Variants in TMED5 observed in about 807,000 individuals in gnomAD.
TMED5 encodes transmembrane emp24 domain-containing protein 5.
TMED5 carries 27 observed loss-of-function variants against 23.0 expected under a neutral mutation model. The observed-to-expected ratio is 1.17, with a 90% confidence interval of 0.86 to 1.62. The LOEUF (loss-of-function observed/expected upper bound fraction) is 1.62, where lower values mean the gene tolerates loss of function less well. TMED5 is among the 40% of genes most tolerant of loss of function. The pLI is 0.00. For missense variants in TMED5, 248 were observed against 273.7 expected (o/e 0.91, Z 0.66); for synonymous variants, 97 against 100.8 (o/e 0.96, Z 0.23).
rs1364651167 is a variant in TMED5 at position 93,154,550 on chromosome 1, C to T, written c.*120G>A. 3.0e-6 allele frequency: 2 copies of T among 667,566 alleles called. No homozygotes were observed. The highest frequency in any genetic ancestry group is 5.0e-6 in the Non-Finnish European group (2 of 398,512). 41.4% of individuals were successfully genotyped at this position (667,566 alleles called of 1,614,324 possible). ...ACTTAATTTTCACATTAAAATTATA[C>T]CTGTTTCCTACTTTTATATCTCAAA... On this transcript the variant is annotated 3_prime_UTR_variant, in exon 4 of 4. Transcript: ENST00000370282.
chr1:93,159,069 C>A (rs1344798387), intron 2 of TMED5, among the ~76,000 whole-genome samples: 2 of 151,834 alleles, frequency 1.3e-5, no homozygotes, highest in Non-Finnish European at 2.9e-5. Flanking sequence ...CATTTTTTTC[C>A]TCTCATCCAT....
At position 93,180,202 on chromosome 1, in the gene TMED5, A is replaced by C. The variant is rs753630827; in HGVS notation, c.41T>G (p.Leu14Arg). Reference sequence around the variant, plus strand: ...CAGCAGCACCGGAGGCAGAGCGGCCAGAAGGAGCACGGGGAAGGGCAGCCA... The same window carrying C: ...CAGCAGCACCGGAGGCAGAGCGGCCCGAAGGAGCACGGGGAAGGGCAGCCA... ...KIWLPFPVLL[L>R]AALPPVLLPG... The change falls in exon 1 of 4, where the codon CTG becomes CGG. Residue 14 changes from leucine to arginine, a missense_variant. Physicochemically the swap from Leu to Arg is moderately radical, Grantham distance 102. Coordinates refer to ENST00000370282, the MANE Select transcript of TMED5 (RefSeq NM_016040.5). The C allele has an allele frequency of 2.5e-6, 4 of 1,613,284 alleles. No homozygotes were observed. Among genetic ancestry groups the C allele is most frequent in the Non-Finnish European group, 3.4e-6 (4 of 1,179,746 alleles).
chr1:93,169,483 T>A (rs1012838579), intron 1 of TMED5, among the ~76,000 whole-genome samples: 5 of 151,572 alleles, frequency 3.3e-5, no homozygotes, highest in African/African-American at 1.2e-4. Context: ...ATCAATAATG[T>A]AGACATCCAC....
chr1:93,154,566 A>G lies in TMED5; in HGVS notation c.*104T>C, dbSNP rs778722621. 6 of 743,080 alleles carry G rather than the reference A, an allele frequency of 8.1e-6. No homozygotes were observed. The highest frequency in any genetic ancestry group is 7.1e-5 in the African/African-American group (4 of 56,522). 46.0% of individuals were successfully genotyped at this position (743,080 alleles called of 1,614,324 possible). On this transcript the variant is annotated 3_prime_UTR_variant, in exon 4 of 4. Coordinates refer to ENST00000370282, the MANE Select transcript of TMED5 (RefSeq NM_016040.5). ...AAAATTATACCTGTTTCCTACTTTT[A>G]TATCTCAAAATATTTTGGAGAAGAC...
intron 1 of TMED5, 75 bp from the exon 2 acceptor site, chr1:93,160,301 T>C (rs1286146705): frequency 8.3e-6 from 7 of 838,816 alleles, no homozygotes; most frequent in Middle Eastern, 3.5e-4. Flanking sequence ...GTAGATCATA[T>C]GATGTAAAGA....
Position 93,159,706 on chromosome 1 carries a change from G to C in TMED5, c.287+423C>G, listed in dbSNP as rs1422685800. 2.6e-5 allele frequency among the ~76,000 whole-genome samples: 4 copies of C among 151,666 alleles called. No individual in the cohort carries two copies. In the East Asian group the frequency reaches 7.7e-4, roughly 29 times the overall value. On this transcript the variant is annotated intron_variant, in intron 2 of 3. Transcript: ENST00000370282. ...AAAAAAAAATTTACGTACACACAAAGATATACTGTCCTGTTTTAAGAAAGA... is the reference window on the plus strand; with the variant it reads ...AAAAAAAAATTTACGTACACACAAACATATACTGTCCTGTTTTAAGAAAGA...
At chr1:93,157,620 T>C (rs1648120113) in intron 2 of TMED5, among the ~76,000 whole-genome samples, 2 of 152,134 alleles carry the variant, frequency 1.3e-5, no homozygotes, top group South Asian at 4.1e-4. Flanking sequence ...GGAGGCTTGG[T>C]TGAGCCCAGT....
chr1:93,178,819 G>A (rs369043854), intron 1 of TMED5, among the ~76,000 whole-genome samples: 1 of 152,094 alleles, frequency 6.6e-6, no homozygotes, highest in African/African-American at 2.4e-5. Flanking sequence ...TGCTCTGTAT[G>A]TGACAGTACC....
At chr1:93,167,742 T>A (rs1648559294) in intron 1 of TMED5, among the ~76,000 whole-genome samples, 1 of 152,168 alleles carries the variant, frequency 6.6e-6, no homozygotes, top group Admixed American at 6.5e-5. Flanking sequence ...GGATGCCCTT[T>A]ATTTGTTTCT....
intron 2 of TMED5, among the ~76,000 whole-genome samples, chr1:93,157,712 A>G (rs1648123700): frequency 6.6e-6 from 1 of 152,206 alleles, no homozygotes; most frequent in South Asian, 2.1e-4. Context: ...TAAAAAAGAA[A>G]TTACATTTAA....
chr1:93,171,271 G>C (rs895626259), intron 1 of TMED5, among the ~76,000 whole-genome samples: 6 of 152,110 alleles, frequency 3.9e-5, no homozygotes, highest in African/African-American at 1.4e-4. Flanking sequence ...AAACCCACCA[G>C]AAGGAAGAAA....
chr1:93,160,321 CT>C (rs1648223588), intron 1 of TMED5, 95 bp from the exon 2 acceptor site: 1 of 683,136 alleles, frequency 1.5e-6, no homozygotes, highest in African/African-American at 1.8e-5. Flanking sequence ...ATTATCTAAG[CT>C]AGAGAGGTAA....
intron 3 of TMED5, 176 bp downstream of exon 3, chr1:93,156,124 T>C (rs1175494106): frequency 8.3e-7 from 1 of 1,201,936 alleles, no homozygotes; most frequent in Non-Finnish European, 1.2e-6. Context: ...AAGGGCTATA[T>C]TAATATAAAA....
intron 2 of TMED5, among the ~76,000 whole-genome samples, chr1:93,157,019 G>A (rs1489106162): frequency 1.3e-5 from 2 of 151,844 alleles, no homozygotes; most frequent in Non-Finnish European, 2.9e-5. Context: ...CCTCATTTTT[G>A]GAAAAGGATA....
rs1372719156 is a variant in TMED5 at position 93,149,871 on chromosome 1, GCCGGA to G, written c.*4794_*4798del. On this transcript the variant is annotated 3_prime_UTR_variant, in exon 4 of 4. Transcript: ENST00000370282. ...ATTATGCATGCATAGGAAAAAACAG[GCCGGA>G]CATGGTGGCTCACGCCTGTAATCTC... The G allele has an allele frequency of 6.6e-6, 1 of 152,182 alleles. No homozygotes were observed. The highest frequency in any genetic ancestry group is 1.9e-4 in the East Asian group (1 of 5,204). The allele number at this position is 152,182 out of a possible 1,614,324, so 9.4% of individuals were successfully genotyped here.
Position 93,160,183 on chromosome 1 carries a change from G to C in TMED5, c.233C>G (p.Ser78Cys). 6.2e-7 allele frequency: 1 copy of C among 1,613,196 alleles called. No homozygotes were observed. The highest frequency in any genetic ancestry group is 8.5e-7 in the Non-Finnish European group (1 of 1,179,498). Residue 78 changes from serine (S) to cysteine (C), a missense_variant, in exon 2 of 4, where the codon TCT becomes TGT. By Grantham distance (112) the Ser-to-Cys change is moderately radical. Transcript: ENST00000370282. ...AAAAACTAAGGTTTTGCCTTCTGGA[G>C]AGGCAAGATGGAAATCAATATCTAA... The part of the protein sequence containing the change: ...AGLDIDFHLA[S>C]PEGKTLVFEQ...
intron 1 of TMED5, among the ~76,000 whole-genome samples, chr1:93,170,180 C>T (rs1648662066): frequency 6.6e-6 from 1 of 152,234 alleles, no homozygotes; most frequent in African/African-American, 2.4e-5. Context: ...CCTGAGGAGC[C>T]CTTCAGCCCG....
At chr1:93,164,170 G>A (rs1020107559) in intron 1 of TMED5, among the ~76,000 whole-genome samples, 3 of 151,958 alleles carry the variant, frequency 2.0e-5, no homozygotes, top group Non-Finnish European at 4.4e-5. Flanking sequence ...ACAGATAACC[G>A]AAAAGCCCTC....
chr1:93,161,021 C>T (rs981626947), intron 1 of TMED5: 3 of 152,158 alleles, frequency 2.0e-5, no homozygotes, highest in South Asian at 2.1e-4. Context: ...ATTGTGTATT[C>T]GAAGCAGGCC....
Sources: gnomAD v4.1 joint callset for allele counts (sites outside exome capture counted in the v4.1 genomes callset) on GRCh38, gnomAD v4.1.1 for gene constraint, MANE v1.5 for transcripts, NCBI Gene and HGNC (gene_info 2026-07-23, HGNC 2026-07-21) for gene names.